POLR2D: variants seen among roughly 807,000 people sequenced by gnomAD.
The protein encoded by POLR2D is RNA polymerase II subunit D.
A neutral mutation model predicts 17.6 loss-of-function variants in POLR2D; 10 were observed. The observed-to-expected ratio is 0.57, with a 90% CI of 0.35 to 0.96. POLR2D has a LOEUF of 0.96. Among genes scored for constraint, POLR2D ranks in the 40% least tolerant of loss-of-function variants. The probability of loss-of-function intolerance (pLI) is 0.02; values close to 1 mark genes in which losing one functional copy is unlikely to be tolerated. For synonymous variants in POLR2D, 52 were observed against 60.2 expected, an observed-to-expected ratio of 0.86 and a Z score of 0.63; for missense variants, 126 against 176.4, an observed-to-expected ratio of 0.71 and a Z score of 1.62.
intron 1 of POLR2D, among the ~76,000 whole-genome samples, chr2:127,855,397 A>G (rs1482759467): frequency 6.8e-6 from 1 of 147,886 alleles, no homozygotes; most frequent in Non-Finnish European, 1.5e-5. Flanking sequence ...TCCGTCTCAA[A>G]AAAAAAAAAA....
chr2:127,845,313 T>G lies in POLR2D; in HGVS notation c.*2794A>C, dbSNP rs959694096. ...GCATGGCCACTGCCCAAGAATGACA[T>G]GCAAATTCATCAAGCATTAAAAAAC... is the stretch of plus-strand genomic sequence containing the variant. On this transcript the variant is annotated 3_prime_UTR_variant, in exon 4 of 4. Coordinates refer to ENST00000272645, the MANE Select transcript of POLR2D (RefSeq NM_004805.4). The G allele has an allele frequency of 1.3e-5, 2 of 150,420 alleles. No homozygotes were observed. Among genetic ancestry groups the G allele is most frequent in the African/African-American group, 4.9e-5 (2 of 40,666 alleles). The allele number at this position is 150,420 out of a possible 1,614,324, so 9.3% of individuals were successfully genotyped here. A position where few individuals can be genotyped will look rare whatever the true frequency, so the allele number is the denominator to read the frequency against.
At position 127,853,123 on chromosome 2, in the gene POLR2D, A is replaced by G. The variant is rs754096102; in HGVS notation, c.74-18T>C. The G allele has an allele frequency of 1.3e-6, 2 of 1,593,746 alleles. No homozygotes were observed. Among genetic ancestry groups the G allele is most frequent in the Non-Finnish European group, 1.7e-6 (2 of 1,168,326 alleles). On this transcript the variant is annotated intron_variant, in intron 1 of 3. Transcript: ENST00000272645. ...TTCAAACTCTATTTGTAAGAAGCATAAATGGCAGCTGAAAATACTCCTTCA... is the reference window on the plus strand; with the variant it reads ...TTCAAACTCTATTTGTAAGAAGCATGAATGGCAGCTGAAAATACTCCTTCA...
chr2:127,847,102 A>G lies in POLR2D; in HGVS notation c.*1005T>C, dbSNP rs762822826. On this transcript the variant is annotated 3_prime_UTR_variant, in exon 4 of 4. Coordinates refer to ENST00000272645, the MANE Select transcript of POLR2D (RefSeq NM_004805.4). The stretch of plus-strand genomic sequence containing the variant: ...TTTGTTATCTTGGAGGTGCAGGCCC[A>G]AGAAAGATGAAGTAAAAATCTTAAT... 6.6e-6 allele frequency: 1 copy of G among 152,594 alleles called. No individual in the cohort carries two copies. The highest frequency in any genetic ancestry group is 6.5e-5 in the Admixed American group (1 of 15,272). 9.5% of individuals were successfully genotyped at this position (152,594 alleles called of 1,614,324 possible).
intron 1 of POLR2D, chr2:127,856,928 C>G (rs555750211): frequency 6.6e-6 from 1 of 151,584 alleles, no homozygotes; most frequent in African/African-American, 2.4e-5. Context: ...CCCAGCTACT[C>G]GGGAGGCTGA....
intron 1 of POLR2D, among the ~76,000 whole-genome samples, chr2:127,854,203 T>C (rs1690293655): frequency 1.3e-5 from 2 of 152,242 alleles, no homozygotes; most frequent in Non-Finnish European, 1.5e-5. Context: ...CCCCTTTTCA[T>C]AATATACGGC....
rs1421115413 is a variant in POLR2D at position 127,852,548 on chromosome 2, T to A, written c.254+377A>T. On this transcript the variant is annotated intron_variant, in intron 2 of 3. Transcript: ENST00000272645. The surrounding 1 kb of genome is among the most constrained non-coding windows in gnomAD (Gnocchi z 4.0). Reference sequence around the variant, plus strand: ...TGTAAGCCACCACACCTGGCTGAAATTCTGGTCTTCTAAGTTGCCCAGGTT... The same window carrying A: ...TGTAAGCCACCACACCTGGCTGAAAATCTGGTCTTCTAAGTTGCCCAGGTT... 2.0e-5 allele frequency among the ~76,000 whole-genome samples: 3 copies of A among 152,098 alleles called. No homozygotes were observed. The highest frequency in any genetic ancestry group is 1.3e-4 in the Admixed American group (2 of 15,260).
Position 127,843,875 on chromosome 2 carries a change from A to T in POLR2D, c.*4232T>A, listed in dbSNP as rs1040020762. 4 of 153,608 alleles carry T rather than the reference A, an allele frequency of 2.6e-5. No homozygotes were observed. Among genetic ancestry groups the T allele is most frequent in the African/African-American group, 9.7e-5 (4 of 41,366 alleles). The allele number at this position is 153,608 out of a possible 1,614,324, so 9.5% of individuals were successfully genotyped here. ...TCTAATCTCAGCATTTGGGAGGCGG[A>T]AACAGGTGGACTGCTAGAGGTCAGA... On this transcript the variant is annotated 3_prime_UTR_variant, in exon 4 of 4. Coordinates refer to ENST00000272645, the MANE Select transcript of POLR2D (RefSeq NM_004805.4).
chr2:127,856,231 C>A lies in POLR2D; in HGVS notation c.73+1797G>T, dbSNP rs1049904993. On this transcript the variant is annotated intron_variant, in intron 1 of 3. Coordinates refer to ENST00000272645, the MANE Select transcript of POLR2D (RefSeq NM_004805.4). ...CTGAGCCTAGGGAAGGTTGAGGCTG[C>A]AGTGAGCTGTGATCACACCACTGCA... 8.0e-5 allele frequency among the ~76,000 whole-genome samples: 11 copies of A among 137,468 alleles called. No individual in the cohort carries two copies. In the South Asian group the frequency reaches 1.9e-3, roughly 24 times the overall value. 90.2% of individuals were successfully genotyped at this position (137,468 alleles called of 152,430 possible). A position where few individuals can be genotyped will look rare whatever the true frequency, so the allele number is the denominator to read the frequency against.
At chr2:127,857,682 G>A (rs1301910805) in intron 1 of POLR2D, 10 of 465,876 alleles carry the variant, frequency 2.1e-5, no homozygotes, top group Non-Finnish European at 3.0e-5. Context: ...CAGAGGTTCT[G>A]TACTAATCGA....
chr2:127,847,865 G>A lies in POLR2D; in HGVS notation c.*242C>T, dbSNP rs1444199910. 1.5e-5 allele frequency: 8 copies of A among 521,518 alleles called. No individual in the cohort carries two copies. The highest frequency in any genetic ancestry group is 1.4e-4 in the East Asian group (4 of 27,780). The allele number at this position is 521,518 out of a possible 1,614,324, so 32.3% of individuals were successfully genotyped here. A position where few individuals can be genotyped will look rare whatever the true frequency, so the allele number is the denominator to read the frequency against. ...TATGTGACCCCTCATCTCACACTTCGCAGAGGCACGTTCAGGAAGCCACTG... is the reference window on the plus strand; with the variant it reads ...TATGTGACCCCTCATCTCACACTTCACAGAGGCACGTTCAGGAAGCCACTG... On this transcript the variant is annotated 3_prime_UTR_variant, in exon 4 of 4. Coordinates refer to ENST00000272645, the MANE Select transcript of POLR2D (RefSeq NM_004805.4).
rs547779703 is a variant in POLR2D, at chr2:127,845,218, T to C, written c.*2889A>G. On this transcript the variant is annotated 3_prime_UTR_variant, in exon 4 of 4. Coordinates refer to ENST00000272645, the MANE Select transcript of POLR2D (RefSeq NM_004805.4). ...CAATCAGCACATGTAAGTGCCTCTC[T>C]CAAGAAATAATTCTGCAGTACTCAC... The C allele has an allele frequency of 3.3e-5, 5 of 152,174 alleles. No homozygotes were observed. The highest frequency in any genetic ancestry group is 1.2e-4 in the African/African-American group (5 of 41,472). 9.4% of individuals were successfully genotyped at this position (152,174 alleles called of 1,614,324 possible).
chr2:127,854,784 A>G (rs771845193), intron 1 of POLR2D, among the ~76,000 whole-genome samples: 1 of 152,122 alleles, frequency 6.6e-6, no homozygotes, highest in African/African-American at 2.4e-5. Flanking sequence ...ACCTCAGAAC[A>G]CCTTCTTTTT....
intron 1 of POLR2D, among the ~76,000 whole-genome samples, chr2:127,855,394 CAA>C (rs747725989): frequency 5.3e-4 from 27 of 51,268 alleles, no homozygotes; most frequent in African/African-American, 1.4e-3. Flanking sequence ...AACTCCGTCT[CAA>C]AAAAAAAAAA....
intron 1 of POLR2D, among the ~76,000 whole-genome samples, chr2:127,857,335 A>G (rs1292290549): frequency 6.6e-6 from 1 of 152,180 alleles, no homozygotes; most frequent in Admixed American, 6.5e-5. Flanking sequence ...AAATCAATAA[A>G]TCAATAAAGT....
Position 127,847,670 on chromosome 2 carries a change from G to A in POLR2D, c.*437C>T, listed in dbSNP as rs41547213. On this transcript the variant is annotated 3_prime_UTR_variant, in exon 4 of 4. Coordinates refer to ENST00000272645, the MANE Select transcript of POLR2D (RefSeq NM_004805.4). ...AAAAAAGCATTTCAAACTAACAGCG[G>A]TTTAATTCTTCCTTTAGTATCTAGG... 1.5e-3 allele frequency: 252 copies of A among 170,214 alleles called. No individual in the cohort carries two copies. The highest frequency in any genetic ancestry group is 1.9e-3 in the Admixed American group (34 of 17,806). 10.5% of individuals were successfully genotyped at this position (170,214 alleles called of 1,614,324 possible).
rs755767424 is a variant in POLR2D at position 127,843,929 on chromosome 2, G to A, written c.*4178C>T. ...TCCAGACCAGCCTGGGCAACATGGC[G>A]AAACCCCGTCTCTACAAAAAATAAA... On this transcript the variant is annotated 3_prime_UTR_variant, in exon 4 of 4. Coordinates refer to ENST00000272645, the MANE Select transcript of POLR2D (RefSeq NM_004805.4). 4 of 153,376 alleles carry A rather than the reference G, an allele frequency of 2.6e-5. No individual in the cohort carries two copies. Among genetic ancestry groups the A allele is most frequent in the African/African-American group, 7.3e-5 (3 of 41,306 alleles). The allele number at this position is 153,376 out of a possible 1,614,324, so 9.5% of individuals were successfully genotyped here.
At position 127,853,042 on chromosome 2, in the gene POLR2D, T is replaced by A. The variant is rs1382680796; in HGVS notation, c.137A>T (p.Gln46Leu). Reference protein sequence around the residue: ...EVHMLLEHRKQQNESAEDEQE... With the variant: ...EVHMLLEHRKLQNESAEDEQE... ...TTCGTCCTCTGCACTCTCATTCTGC[T>A]GCTTTCGATGTTCCAGAAGCATATG... The change falls in exon 2 of 4, where the codon CAG becomes CTG. Residue 46 changes from glutamine (Q) to leucine (L), a missense_variant. Around this residue, in one of 2 missense-constraint regions of POLR2D, gnomAD observed 85 missense variants for 151.4 expected, o/e 0.56. Transcript: ENST00000272645. The A allele has an allele frequency of 1.2e-6, 2 of 1,613,904 alleles. No individual in the cohort carries two copies. The highest frequency in any genetic ancestry group is 2.2e-5 in the South Asian group (2 of 91,086).
intron 2 of POLR2D, among the ~76,000 whole-genome samples, chr2:127,851,426 C>T (rs937620758): frequency 2.0e-5 from 3 of 150,164 alleles, no homozygotes; most frequent in South Asian, 4.2e-4. Flanking sequence ...CAAAACAAAA[C>T]GAAACAAAAC....
At chr2:127,854,072 T>A (rs1690291125) in intron 1 of POLR2D, among the ~76,000 whole-genome samples, 1 of 152,204 alleles carries the variant, frequency 6.6e-6, no homozygotes, top group African/African-American at 2.4e-5. Context: ...AATTGTTACA[T>A]GTTAAATAGG....
Sources: allele counts gnomAD v4.1 joint callset (sites outside exome capture counted in the v4.1 genomes callset), GRCh38; gene constraint gnomAD v4.1.1; regional missense constraint gnomAD v4.1.1; non-coding constraint Gnocchi (gnomAD v3.1); transcripts MANE v1.5; gene names NCBI Gene and HGNC (gene_info 2026-07-23, HGNC 2026-07-21).